The following RASA3 variants were observed in gnomAD, a reference collection of about 807,000 sequenced individuals.
The protein encoded by RASA3 is RAS p21 protein activator 3.
A neutral mutation model predicts 110.0 loss-of-function variants in RASA3; 73 were observed. The observed-to-expected ratio is 0.66, with a 90% CI of 0.55 to 0.81. RASA3 has a LOEUF of 0.81. Among genes scored for constraint, RASA3 ranks in the 30% least tolerant of loss-of-function variants. The pLI, the probability that RASA3 is intolerant of heterozygous loss-of-function variation, is 0.00. For missense variants in RASA3, 976 were observed against 1,113.2 expected (o/e 0.88, Z 1.75); for synonymous variants, 500 against 451.4 (o/e 1.11, Z -1.37).
intron 21 of RASA3, among the ~76,000 whole-genome samples, chr13:113,993,950 G>A (rs1010236899): frequency 2.0e-5 from 3 of 152,176 alleles, no homozygotes; most frequent in Non-Finnish European, 2.9e-5. Flanking sequence ...GGCCTGATAG[G>A]AACGCGCGGG....
intron 1 of RASA3, among the ~76,000 whole-genome samples, chr13:114,129,569 T>TA (rs575473825): frequency 3.9e-4 from 59 of 152,252 alleles, no homozygotes; most frequent in Admixed American, 6.5e-4. Flanking sequence ...CCCTATACCT[T>TA]AAAAAAAGCT....
chr13:114,060,072 C>A (rs962691902), intron 2 of RASA3, among the ~76,000 whole-genome samples: 3 of 152,222 alleles, frequency 2.0e-5, no homozygotes, highest in African/African-American at 7.2e-5. Flanking sequence ...TGAATGAGGC[C>A]ATGGACGGCG....
chr13:114,081,673 G>T (rs1423610335), intron 1 of RASA3, among the ~76,000 whole-genome samples: 2 of 152,202 alleles, frequency 1.3e-5, no homozygotes, highest in Non-Finnish European at 2.9e-5. Flanking sequence ...CCACAGAGAC[G>T]TGTCCACCAG....
chr13:114,042,369 G>A (rs2054429321), intron 3 of RASA3, among the ~76,000 whole-genome samples: 1 of 152,238 alleles, frequency 6.6e-6, no homozygotes, highest in South Asian at 2.1e-4. Flanking sequence ...TGAACTCCTA[G>A]GGAGTCGCAC....
chr13:114,055,341 C>T lies in RASA3; in HGVS notation c.174-3186G>A, dbSNP rs113773563. Reference sequence around the variant, plus strand: ...TGCTTTCATAACAAGGCGCAGGGGTCGTGACCCTGCCTCCACCCTGTGTAA... The same window carrying T: ...TGCTTTCATAACAAGGCGCAGGGGTTGTGACCCTGCCTCCACCCTGTGTAA... On this transcript the variant is annotated intron_variant, in intron 2 of 23. Coordinates refer to ENST00000334062, the MANE Select transcript of RASA3 (RefSeq NM_007368.4). 6.6e-5 allele frequency among the ~76,000 whole-genome samples: 10 copies of T among 152,356 alleles called. 1 individual carries two copies. The highest frequency in any genetic ancestry group is 1.9e-4 in the East Asian group (1 of 5,190).
chr13:114,041,617 C>T (rs758950654), intron 3 of RASA3, among the ~76,000 whole-genome samples: 5 of 152,266 alleles, frequency 3.3e-5, no homozygotes, highest in Non-Finnish European at 5.9e-5. Context: ...AGCAGCATCA[C>T]GCCACAAGAG....
chr13:114,000,786 C>T (rs112395697), intron 19 of RASA3, 40 bp downstream of exon 19: 33 of 1,428,246 alleles, frequency 2.3e-5, no homozygotes, highest in Non-Finnish European at 2.9e-5. Context: ...GGGCCCAGCA[C>T]GCTCCAGCAA....
At position 114,000,733 on chromosome 13, in the gene RASA3, T is replaced by TC. The variant is rs565418043; in HGVS notation, c.1849+92dup. ...GGCTCTGCCCGCAGCACTGAATCCT[T>TC]CCTCCCCTCAGCTCTCCCCCTGAAA... On this transcript the variant is annotated intron_variant, in intron 19 of 23. Transcript: ENST00000334062. The TC allele has an allele frequency of 3.0e-4, 286 of 966,154 alleles. No homozygotes were observed. In the African/African-American group the frequency reaches 4.2e-3, roughly 14 times the overall value. 59.8% of individuals were successfully genotyped at this position (966,154 alleles called of 1,614,324 possible).
chr13:114,128,804 A>G (rs2080482107), intron 1 of RASA3, among the ~76,000 whole-genome samples: 2 of 152,352 alleles, frequency 1.3e-5, no homozygotes, highest in South Asian at 4.1e-4. Flanking sequence ...AGGAAGCCCC[A>G]GCGGGGAGCC....
chr13:114,060,585 T>C (rs1275931365), intron 2 of RASA3, among the ~76,000 whole-genome samples: 1 of 152,164 alleles, frequency 6.6e-6, no homozygotes, highest in Non-Finnish European at 1.5e-5. Context: ...CCAGAGGGGC[T>C]CCTGCAGGAG....
At chr13:114,104,881 ACCCACTCCCCTCCCCACACACGTTCG>A in intron 1 of RASA3, among the ~76,000 whole-genome samples, 3 of 128,194 alleles carry the variant, frequency 2.3e-5, no homozygotes, top group Non-Finnish European at 5.0e-5. Flanking sequence ...CACACACGCT[ACCCACTCCCCTCCCCACACACGTTCG>A]CCCCCTCCCC....
chr13:114,058,587 C>T (rs891448093), intron 2 of RASA3, among the ~76,000 whole-genome samples: 3 of 152,266 alleles, frequency 2.0e-5, no homozygotes, highest in Admixed American at 6.5e-5. Context: ...ACAGCATCTC[C>T]TTCCCTCTCA....
At chr13:114,094,404 G>A (rs770198087) in intron 1 of RASA3, among the ~76,000 whole-genome samples, 5 of 152,186 alleles carry the variant, frequency 3.3e-5, no homozygotes, top group Admixed American at 2.0e-4. Flanking sequence ...ACACATGAAC[G>A]GATAAACAAA....
In RASA3 at chr13:114,065,803, C is replaced by A. The variant is rs1010532846; in HGVS notation, c.173+7917G>T. On this transcript the variant is annotated intron_variant, in intron 2 of 23. Coordinates refer to ENST00000334062, the MANE Select transcript of RASA3 (RefSeq NM_007368.4). The surrounding 1 kb of genome is among the most constrained non-coding windows in gnomAD (Gnocchi z 4.1). ...CACCACCCAGCACGGCAGGTCTCAG[C>A]GGAAGCCCCACACACACTGGGTTGC... is the stretch of plus-strand genomic sequence containing the variant. Among the ~76,000 whole-genome samples, 2 of 152,212 alleles carry A rather than the reference C, an allele frequency of 1.3e-5. No individual in the cohort carries two copies.
At chr13:114,015,780 G>A (rs925900398) in intron 13 of RASA3, among the ~76,000 whole-genome samples, 1 of 152,140 alleles carries the variant, frequency 6.6e-6, no homozygotes, top group African/African-American at 2.4e-5. Flanking sequence ...GAGGCAGGGA[G>A]GCCATCCTGT....
At chr13:113,989,074 A>G (rs1205562425) in intron 22 of RASA3, among the ~76,000 whole-genome samples, 2 of 127,598 alleles carry the variant, frequency 1.6e-5, no homozygotes, top group Non-Finnish European at 3.2e-5. Flanking sequence ...TCACTCACCC[A>G]TCTGTCAGTC....
chr13:113,979,491 G>A (rs1311681035), intron 23 of RASA3, 69 bp from the exon 24 acceptor site: 3 of 1,281,710 alleles, frequency 2.3e-6, no homozygotes, highest in Non-Finnish European at 2.3e-6. Context: ...GTGGCTGCGG[G>A]AGCTTTTCCT....
At chr13:114,124,697 G>A (rs1035964636) in intron 1 of RASA3, among the ~76,000 whole-genome samples, 4 of 152,250 alleles carry the variant, frequency 2.6e-5, no homozygotes, top group Admixed American at 2.6e-4. Context: ...GCCTGTCACT[G>A]CTGGACGCCC....
intron 1 of RASA3, among the ~76,000 whole-genome samples, chr13:114,113,021 C>T (rs373114299): frequency 2.0e-5 from 3 of 152,246 alleles, no homozygotes; most frequent in East Asian, 1.9e-4. Context: ...CTCCAGAGCC[C>T]GTGGAGGCCC....
Sources: gnomAD v4.1 joint callset for allele counts (sites outside exome capture counted in the v4.1 genomes callset) on GRCh38, gnomAD v4.1.1 for gene constraint, Gnocchi (gnomAD v3.1) non-coding constraint, MANE v1.5 for transcripts, NCBI Gene and HGNC (gene_info 2026-07-23, HGNC 2026-07-21) for gene names.